Variants in CDH6 observed in about 807,000 individuals in gnomAD.
CDH6 encodes the protein cadherin 6, also known as cadherin-6.
Under a neutral mutation model 78.0 loss-of-function variants are expected in CDH6, and 31 were observed. The ratio of observed to expected loss-of-function variants is 0.40; its 90% CI spans 0.30 to 0.54. The LOEUF (loss-of-function observed/expected upper bound fraction) is 0.54. Ranked by LOEUF, CDH6 falls within the 20% of genes least tolerant of loss-of-function variation. The pLI is 0.56. For synonymous variants in CDH6, 376 were observed against 368.8 expected, an observed-to-expected ratio of 1.02 and a Z score of -0.23; for missense variants, 724 against 975.9, an observed-to-expected ratio of 0.74 and a Z score of 3.44.
At chr5:31,197,511 C>T (rs1231315982) in intron 1 of CDH6, among the ~76,000 whole-genome samples, 1 of 152,110 alleles carries the variant, frequency 6.6e-6, no homozygotes, top group Non-Finnish European at 1.5e-5. Context: ...ACTGAGCACA[C>T]TTTATTTACT....
intron 1 of CDH6, among the ~76,000 whole-genome samples, chr5:31,195,765 C>T (rs1220907913): frequency 6.6e-6 from 1 of 152,162 alleles, no homozygotes; most frequent in Non-Finnish European, 1.5e-5. Flanking sequence ...TCCCCTTTTG[C>T]TCTTTGATGT....
In CDH6 at chr5:31,328,175, CTTTTTTT is replaced by C. The variant is rs151043213; in HGVS notation, c.*4882_*4888del. The C allele has an allele frequency of 5.7e-5, 7 of 122,130 alleles. No homozygotes were observed. The highest frequency in any genetic ancestry group is 1.3e-4 in the East Asian group (1 of 7,676). The allele number at this position is 122,130 out of a possible 1,614,324, so 7.6% of individuals were successfully genotyped here. ...AGAGCTTTTACAAGTTGCTTAATTC[CTTTTTTT>C]TTTTTTTTTTTTTTCAAAAACCCAT... On this transcript the variant is annotated 3_prime_UTR_variant, in exon 12 of 12. Transcript: ENST00000265071.
intron 10 of CDH6, 45 bp downstream of exon 10, chr5:31,317,537 C>A: frequency 6.6e-7 from 1 of 1,512,082 alleles, no homozygotes; most frequent in Non-Finnish European, 9.2e-7. Context: ...CCATCTATAT[C>A]CGTAACTGTT....
At chr5:31,220,411 C>T (rs79421655) in intron 1 of CDH6, among the ~76,000 whole-genome samples, 2 of 152,264 alleles carry the variant, frequency 1.3e-5, no homozygotes, top group East Asian at 1.9e-4. Flanking sequence ...GTATCTGATA[C>T]TCTTAGAGTT....
At chr5:31,195,520 A>C (rs1312742597) in intron 1 of CDH6, among the ~76,000 whole-genome samples, 3 of 152,202 alleles carry the variant, frequency 2.0e-5, no homozygotes, top group African/African-American at 4.8e-5. Context: ...GTTTCACCTG[A>C]GACTTGAGCA....
intron 1 of CDH6, among the ~76,000 whole-genome samples, chr5:31,220,292 A>G (rs1579825834): frequency 6.6e-6 from 1 of 152,172 alleles, no homozygotes; most frequent in East Asian, 1.9e-4. Context: ...TTTAAATGTG[A>G]GAACTCAGGA....
At chr5:31,270,989 T>G (rs1742515290) in intron 2 of CDH6, among the ~76,000 whole-genome samples, 1 of 152,196 alleles carries the variant, frequency 6.6e-6, no homozygotes, top group African/African-American at 2.4e-5. Flanking sequence ...TAATAGAACC[T>G]TTAATCATGC....
intron 1 of CDH6, among the ~76,000 whole-genome samples, chr5:31,215,215 C>T (rs1017413392): frequency 2.6e-5 from 4 of 152,004 alleles, no homozygotes; most frequent in South Asian, 2.1e-4. Flanking sequence ...CATAATAAAC[C>T]GCTGTAGGTA....
At chr5:31,250,940 C>T (rs1741891929) in intron 1 of CDH6, 1 of 152,468 alleles carries the variant, frequency 6.6e-6, no homozygotes, top group African/African-American at 2.4e-5. Context: ...GGAAAAGGTC[C>T]CTCCACCACT....
chr5:31,199,586 TAC>T (rs756136103), intron 1 of CDH6, among the ~76,000 whole-genome samples: 39 of 147,092 alleles, frequency 2.7e-4, no homozygotes, highest in African/African-American at 8.7e-4. Context: ...TATATATCTA[TAC>T]ACACACATAT....
chr5:31,296,546 T>C (rs527475801), intron 3 of CDH6, among the ~76,000 whole-genome samples: 1 of 152,344 alleles, frequency 6.6e-6, no homozygotes, highest in East Asian at 1.9e-4. Flanking sequence ...TCATTGATTC[T>C]TTATGTAATC....
chr5:31,277,943 A>G (rs1303525489), intron 2 of CDH6, among the ~76,000 whole-genome samples: 1 of 152,206 alleles, frequency 6.6e-6, no homozygotes, highest in South Asian at 2.1e-4. Context: ...ACGTTGTGAA[A>G]TGATTACTAT....
intron 1 of CDH6, chr5:31,250,696 G>T (rs528184106): frequency 1.3e-5 from 2 of 152,546 alleles, no homozygotes; most frequent in Non-Finnish European, 2.9e-5. Context: ...GTGGCACAAG[G>T]GGCCCCAAGG....
intron 1 of CDH6, among the ~76,000 whole-genome samples, chr5:31,231,783 G>C (rs1741316857): frequency 6.6e-6 from 1 of 152,122 alleles, no homozygotes; most frequent in Admixed American, 6.6e-5. Flanking sequence ...TGCCACACTG[G>C]GGATTAAATT....
At chr5:31,319,042 A>T (rs896951124) in intron 11 of CDH6, 1 of 194,700 alleles carries the variant, frequency 5.1e-6, no homozygotes, top group Non-Finnish European at 1.1e-5. Flanking sequence ...GCAAAGACAA[A>T]TCAGTGTTTC....
intron 2 of CDH6, among the ~76,000 whole-genome samples, chr5:31,268,851 C>T (rs1742437880): frequency 6.6e-6 from 1 of 152,134 alleles, no homozygotes; most frequent in Non-Finnish European, 1.5e-5. Context: ...CCATCCACGG[C>T]TTGGGCTGAT....
At chr5:31,266,432 T>C (rs1742356520) in intron 1 of CDH6, among the ~76,000 whole-genome samples, 1 of 152,218 alleles carries the variant, frequency 6.6e-6, no homozygotes, top group South Asian at 2.1e-4. Flanking sequence ...ACTGTAATTT[T>C]TGTTATAACA....
chr5:31,260,165 T>C (rs1267399012), intron 1 of CDH6, among the ~76,000 whole-genome samples: 2 of 152,254 alleles, frequency 1.3e-5, no homozygotes, highest in Non-Finnish European at 2.9e-5. Context: ...GCCATCTTCA[T>C]GTTCATAAGT....
At chr5:31,247,434 T>G (rs1323295974) in intron 1 of CDH6, among the ~76,000 whole-genome samples, 1 of 152,184 alleles carries the variant, frequency 6.6e-6, no homozygotes, top group Non-Finnish European at 1.5e-5. Context: ...ATCAGAACAT[T>G]CCACCTGCTT....
Sources: allele counts gnomAD v4.1 joint callset (sites outside exome capture counted in the v4.1 genomes callset), GRCh38; gene constraint gnomAD v4.1.1; transcripts MANE v1.5; gene names NCBI Gene and HGNC (gene_info 2026-07-23, HGNC 2026-07-21).